Variants in MRO observed in about 807,000 individuals in gnomAD.
The protein encoded by MRO is maestro.
Under a neutral mutation model 31.0 loss-of-function variants are expected in MRO, and 28 were observed. The ratio of observed to expected loss-of-function variants is 0.90; its 90% CI spans 0.67 to 1.24. MRO has a LOEUF of 1.24. MRO is among the 50% of genes most tolerant of loss of function. The pLI is 0.00. For synonymous variants in MRO, 108 were observed against 108.4 expected (o/e 1.00, Z 0.02); for missense variants, 332 against 289.2 (o/e 1.15, Z -1.07).
intron 2 of MRO, among the ~76,000 whole-genome samples, chr18:50,818,205 C>T (rs1211641374): frequency 6.6e-6 from 1 of 152,138 alleles, no homozygotes; most frequent in Non-Finnish European, 1.5e-5. Context: ...TCTCCAAGCC[C>T]TCTCACCCGT....
Position 50,819,908 on chromosome 18 carries a change from C to G in MRO, c.-138G>C, listed in dbSNP as rs1334705871. 1.7e-5 allele frequency: 26 copies of G among 1,551,720 alleles called. No individual in the cohort carries two copies. The highest frequency in any genetic ancestry group is 1.7e-4 in the Middle Eastern group (1 of 5,988). On this transcript the variant is annotated 5_prime_UTR_variant, in exon 1 of 8. Transcript: ENST00000398439. ...GCATGACTTGCTACCTTTGCTTCCC[C>G]ACGCCATGCTGAGGTGTTTTTCCTT...
intron 5 of MRO, among the ~76,000 whole-genome samples, chr18:50,803,802 G>A (rs187379737): frequency 3.9e-5 from 6 of 152,328 alleles, no homozygotes; most frequent in South Asian, 2.1e-4. Context: ...CTCTCGCCAC[G>A]TGGCTCCGGA....
At chr18:50,822,593 G>A (rs1915344621), upstream of MRO, among the ~76,000 whole-genome samples, 1 of 152,038 alleles carries the variant, frequency 6.6e-6, no homozygotes. Flanking sequence ...CTGCCTCTGG[G>A]ATTACAGGCA....
At chr18:50,803,199 A>G (rs1456655334) in intron 5 of MRO, among the ~76,000 whole-genome samples, 1 of 152,154 alleles carries the variant, frequency 6.6e-6, no homozygotes, top group East Asian at 1.9e-4. Context: ...CAAAAATTCC[A>G]GGCAACCAGG....
Position 50,799,271 on chromosome 18 carries a change from T to C in MRO, c.*66A>G, listed in dbSNP as rs1913048735. ...CAGTGAGAAGAGGCATCCAGTGAGATAAAACAGGGGAACATGATGGCTCAG... is the reference window on the plus strand; with the variant it reads ...CAGTGAGAAGAGGCATCCAGTGAGACAAAACAGGGGAACATGATGGCTCAG... On this transcript the variant is annotated 3_prime_UTR_variant, in exon 8 of 8. Coordinates refer to ENST00000398439, the MANE Select transcript of MRO (RefSeq NM_031939.6). 2.9e-6 allele frequency: 4 copies of C among 1,396,470 alleles called. No homozygotes were observed. The highest frequency in any genetic ancestry group is 4.1e-6 in the Non-Finnish European group (4 of 982,192). 86.5% of individuals were successfully genotyped at this position (1,396,470 alleles called of 1,614,324 possible).
rs199749263 is a variant in MRO at position 50,809,259 on chromosome 18, G to C, written c.99+43C>G. The C allele has an allele frequency of 1.3e-4, 197 of 1,474,812 alleles. No homozygotes were observed. The African/African-American group carries it at 2.4e-3, about 18-fold the overall frequency. 91.4% of individuals were successfully genotyped at this position (1,474,812 alleles called of 1,614,324 possible). A position where few individuals can be genotyped will look rare whatever the true frequency, so the allele number is the denominator to read the frequency against. On this transcript the variant is annotated intron_variant, in intron 3 of 7. Coordinates refer to ENST00000398439, the MANE Select transcript of MRO (RefSeq NM_031939.6). ...AAGCAAACATACATCTTACAAAACA[G>C]CTGCTGGGAGGAGAAATTTGTTCAT...
At chr18:50,818,002 C>CCCCCCCG (rs1915079040) in intron 2 of MRO, among the ~76,000 whole-genome samples, 1 of 116,044 alleles carries the variant, frequency 8.6e-6, no homozygotes, top group Non-Finnish European at 1.7e-5. Context: ...CCACCCCCCG[C>CCCCCCCG]CCCATGCCCT....
intron 3 of MRO, among the ~76,000 whole-genome samples, chr18:50,808,328 A>G (rs1014429801): frequency 6.6e-6 from 1 of 152,148 alleles, no homozygotes; most frequent in African/African-American, 2.4e-5. Flanking sequence ...ATCCTTAGAA[A>G]GGGGCCTAGA....
intron 3 of MRO, 95 bp from the exon 4 acceptor site, chr18:50,806,945 GC>G: frequency 1.6e-6 from 2 of 1,288,556 alleles, no homozygotes; most frequent in Non-Finnish European, 2.2e-6. Flanking sequence ...TCCCGTGATT[GC>G]CTGCTCAATT....
rs1912967715 is a variant in MRO, at chr18:50,798,428, G to A, written c.*909C>T. The A allele has an allele frequency of 6.6e-6, 1 of 152,140 alleles. No homozygotes were observed. 9.4% of individuals were successfully genotyped at this position (152,140 alleles called of 1,614,324 possible). On this transcript the variant is annotated 3_prime_UTR_variant, in exon 8 of 8. Coordinates refer to ENST00000398439, the MANE Select transcript of MRO (RefSeq NM_031939.6). ...TCTAACCATCCATCAGTTATTCCAT[G>A]GAAAGGCAGGATGGCATGATTATTG...
At chr18:50,808,377 C>T (rs1162182242) in intron 3 of MRO, among the ~76,000 whole-genome samples, 5 of 151,938 alleles carry the variant, frequency 3.3e-5, no homozygotes, top group Admixed American at 6.6e-5. Context: ...CTCAGTGGTG[C>T]TATGGATGAG....
intron 2 of MRO, among the ~76,000 whole-genome samples, chr18:50,817,342 C>T (rs1490289360): frequency 6.6e-6 from 1 of 152,012 alleles, no homozygotes; most frequent in African/African-American, 2.4e-5. Flanking sequence ...GTGTTACAAA[C>T]TCCAAGCCAG....
At chr18:50,819,538 C>T in intron 2 of MRO, 43 bp downstream of exon 2, 1 of 1,549,672 alleles carries the variant, frequency 6.5e-7, no homozygotes, top group East Asian at 2.4e-5. Context: ...AGCCAGGACG[C>T]CTCCCGCTGC....
At chr18:50,799,795 C>T (rs984215803) in intron 7 of MRO, among the ~76,000 whole-genome samples, 1 of 152,160 alleles carries the variant, frequency 6.6e-6, no homozygotes, top group African/African-American at 2.4e-5. Context: ...CCTGTAATCT[C>T]AGCTACTCAA....
At chr18:50,821,397 A>C (rs567502273), upstream of MRO, among the ~76,000 whole-genome samples, 11 of 152,316 alleles carry the variant, frequency 7.2e-5, no homozygotes, top group African/African-American at 2.4e-4. Context: ...AATTCTTCCA[A>C]ATTAGCTTTA....
Position 50,796,493 on chromosome 18 carries a change from T to G in MRO, c.*2844A>C, listed in dbSNP as rs370789517. The G allele has an allele frequency of 3.9e-4, 59 of 152,264 alleles. No homozygotes were observed. Among genetic ancestry groups the G allele is most frequent in the African/African-American group, 1.4e-3 (57 of 41,554 alleles). The allele number at this position is 152,264 out of a possible 1,614,324, so 9.4% of individuals were successfully genotyped here. A position where few individuals can be genotyped will look rare whatever the true frequency, so the allele number is the denominator to read the frequency against. ...TAGAATGTTCTGGGAATTCAGAGAC[T>G]TGAGCTCTCCCCTGATTGGGGGGAT... On this transcript the variant is annotated 3_prime_UTR_variant, in exon 8 of 8. Transcript: ENST00000398439.
At chr18:50,799,731 T>A (rs558497969) in intron 7 of MRO, among the ~76,000 whole-genome samples, 1 of 152,116 alleles carries the variant, frequency 6.6e-6, no homozygotes, top group South Asian at 2.1e-4. Flanking sequence ...GGCAACGTGG[T>A]GAAACCCCAT....
chr18:50,812,336 A>C (rs1224435965), intron 2 of MRO, among the ~76,000 whole-genome samples: 3 of 152,102 alleles, frequency 2.0e-5, no homozygotes, highest in Non-Finnish European at 4.4e-5. Context: ...TTCCATTCAA[A>C]TCCTTTGCTC....
upstream of MRO, chr18:50,823,743 C>G (rs961068386): frequency 1.2e-5 from 2 of 166,856 alleles, no homozygotes; most frequent in African/African-American, 4.7e-5. Flanking sequence ...TTCAGAGGCA[C>G]TGTGTGCCTT....
Sources: gnomAD v4.1 joint callset for allele counts (sites outside exome capture counted in the v4.1 genomes callset) on GRCh38, gnomAD v4.1.1 for gene constraint, MANE v1.5 for transcripts, NCBI Gene and HGNC (gene_info 2026-07-23, HGNC 2026-07-21) for gene names.